TNNI3K: variants seen among roughly 807,000 people sequenced by gnomAD.
TNNI3K encodes the protein TNNI3 interacting kinase.
Under a neutral mutation model 114.5 loss-of-function variants are expected in TNNI3K, and 140 were observed. The ratio of observed to expected loss-of-function variants is 1.22; its 90% confidence interval spans 1.07 to 1.41. The LOEUF (loss-of-function observed/expected upper bound fraction) is 1.41. Among genes scored for constraint, TNNI3K ranks in the 40% most tolerant of loss-of-function variants. TNNI3K has a pLI of 0.00. For synonymous variants in TNNI3K, 347 were observed against 347.5 expected, an observed-to-expected ratio of 1.00 and a Z score of 0.02; for missense variants, 1,125 against 1,007.6, an observed-to-expected ratio of 1.12 and a Z score of -1.58.
intron 17 of TNNI3K, among the ~76,000 whole-genome samples, chr1:74,391,780 C>A (rs1394167860): frequency 9.9e-5 from 15 of 151,836 alleles, no homozygotes; most frequent in African/African-American, 4.8e-5. Context: ...TCAGAGAAGA[C>A]TGAGAAGGCC....
intron 17 of TNNI3K, among the ~76,000 whole-genome samples, chr1:74,423,337 C>G (rs1247541465): frequency 6.6e-6 from 1 of 152,090 alleles, no homozygotes; most frequent in African/African-American, 2.4e-5. Context: ...ATTCTCCTTA[C>G]TTCCACTAAA....
intron 23 of TNNI3K, among the ~76,000 whole-genome samples, chr1:74,514,771 G>A (rs1354083677): frequency 6.6e-6 from 1 of 152,098 alleles, no homozygotes; most frequent in African/African-American, 2.4e-5. Flanking sequence ...AAAATGTGAA[G>A]GGGTATTGTG....
At chr1:74,243,655 C>T (rs1654381018) in intron 2 of TNNI3K, among the ~76,000 whole-genome samples, 1 of 152,014 alleles carries the variant, frequency 6.6e-6, no homozygotes, top group Non-Finnish European at 1.5e-5. Flanking sequence ...AATTGGATCA[C>T]AAAACTGCAC....
rs200448112 is a variant in TNNI3K, at chr1:74,235,400, G to A, written c.-52G>A. 53 of 1,291,722 alleles carry A rather than the reference G, an allele frequency of 4.1e-5. 1 individual carries two copies. The East Asian group carries it at 1.2e-3, about 29-fold the overall frequency. The allele number at this position is 1,291,722 out of a possible 1,614,324, so 80.0% of individuals were successfully genotyped here. A position where few individuals can be genotyped will look rare whatever the true frequency, so the allele number is the denominator to read the frequency against. On this transcript the variant is annotated 5_prime_UTR_variant, in exon 1 of 25. Transcript: ENST00000326637. The stretch of plus-strand genomic sequence containing the variant: ...TGGACTGTCACTGCACTTGAACTTG[G>A]AATCTTATAACTTGAAGAACTGCCC...
chr1:74,319,327 T>G (rs374047951), intron 5 of TNNI3K, among the ~76,000 whole-genome samples: 66 of 152,342 alleles, frequency 4.3e-4, no homozygotes, highest in African/African-American at 1.5e-3. Context: ...ATCATAATCT[T>G]GTTGTAACCT....
At chr1:74,490,727 A>C (rs1201145845) in intron 22 of TNNI3K, among the ~76,000 whole-genome samples, 1 of 152,196 alleles carries the variant, frequency 6.6e-6, no homozygotes, top group Non-Finnish European at 1.5e-5. Context: ...CAAGGCCAAG[A>C]GGGAGCTACT....
chr1:74,527,995 T>C (rs1646529466), intron 23 of TNNI3K, among the ~76,000 whole-genome samples: 2 of 152,084 alleles, frequency 1.3e-5, no homozygotes, highest in South Asian at 4.2e-4. Context: ...GTGGTAGTGC[T>C]TAAGTATGGT....
At chr1:74,452,568 A>G (rs940047212) in intron 20 of TNNI3K, among the ~76,000 whole-genome samples, 5 of 152,152 alleles carry the variant, frequency 3.3e-5, no homozygotes, top group Admixed American at 3.3e-4. Flanking sequence ...TCACATGTCA[A>G]ATACAGCACA....
At position 74,250,732 on chromosome 1, in the gene TNNI3K, G is replaced by A; in HGVS notation, c.296G>A (p.Arg99Lys). The change falls in exon 4 of 25, where the codon AGA becomes AAA. Residue 99 changes from arginine (R) to lysine (K), a missense_variant. Arg to Lys is a conservative substitution (Grantham distance 26). Transcript: ENST00000326637. ...GGGCTCCGCCCATCTCGACTGACAA[G>A]AAATGGATTTACAGCCTTGCATTTA... is the stretch of plus-strand genomic sequence containing the variant. ...LKGLRPSRLT[R>K]NGFTALHLAV... 1 of 1,612,382 alleles carries A rather than the reference G, an allele frequency of 6.2e-7. No homozygotes were observed. Among genetic ancestry groups the A allele is most frequent in the East Asian group, 2.2e-5 (1 of 44,722 alleles).
rs376726222 is a variant in TNNI3K at position 74,415,137 on chromosome 1, G to A, written c.1773-20943G>A. 5.3e-5 allele frequency among the ~76,000 whole-genome samples: 8 copies of A among 152,138 alleles called. No homozygotes were observed. The East Asian group carries it at 1.2e-3, about 22-fold the overall frequency. ...ACACTCTAAGCATGCCCAATTTTAG[G>A]CCTTTGCACTTGCCGCTCCCTCAGG... On this transcript the variant is annotated intron_variant, in intron 17 of 24. Coordinates refer to ENST00000326637, the MANE Select transcript of TNNI3K (RefSeq NM_015978.3).
Position 74,349,887 on chromosome 1 carries a change from G to C in TNNI3K, c.933-3379G>C, listed in dbSNP as rs370070436. 3.3e-5 allele frequency among the ~76,000 whole-genome samples: 5 copies of C among 151,914 alleles called. No homozygotes were observed. The East Asian group carries it at 7.7e-4, about 23-fold the overall frequency. On this transcript the variant is annotated intron_variant, in intron 9 of 24. Coordinates refer to ENST00000326637, the MANE Select transcript of TNNI3K (RefSeq NM_015978.3). ...TTCCTTCTTTATTAGTCTTGCTAGCGGTCTATCAATTTTGTTGATCTTTTC... is the reference window on the plus strand; with the variant it reads ...TTCCTTCTTTATTAGTCTTGCTAGCCGTCTATCAATTTTGTTGATCTTTTC...
chr1:74,463,687 G>T, intron 21 of TNNI3K, 137 bp downstream of exon 21: 1 of 891,324 alleles, frequency 1.1e-6, no homozygotes, highest in Non-Finnish European at 1.7e-6. Flanking sequence ...CTGCTCTTTA[G>T]TCTCTAATTG....
At chr1:74,279,650 A>G (rs1656885036) in intron 5 of TNNI3K, among the ~76,000 whole-genome samples, 1 of 152,102 alleles carries the variant, frequency 6.6e-6, no homozygotes. Flanking sequence ...TTGCTTTACA[A>G]TTTGCTTTTG....
chr1:74,354,223 T>C, intron 11 of TNNI3K, 94 bp downstream of exon 11: 1 of 1,553,668 alleles, frequency 6.4e-7, no homozygotes, highest in South Asian at 1.2e-5. Context: ...TTGCATGACT[T>C]GAACACTCTC....
intron 21 of TNNI3K, among the ~76,000 whole-genome samples, chr1:74,488,042 G>A (rs1290692065): frequency 6.6e-6 from 1 of 152,302 alleles, no homozygotes; most frequent in Admixed American, 6.5e-5. Context: ...GGAACCCAGA[G>A]GTCAGGCTAT....
At chr1:74,331,588 T>C in intron 6 of TNNI3K, 40 bp downstream of exon 6, 1 of 1,559,280 alleles carries the variant, frequency 6.4e-7, no homozygotes, top group Non-Finnish European at 8.8e-7. Context: ...TAGGTGTTGC[T>C]TAAGTGTAGG....
intron 11 of TNNI3K, among the ~76,000 whole-genome samples, chr1:74,356,510 C>T (rs1373759861): frequency 6.6e-6 from 1 of 152,162 alleles, no homozygotes; most frequent in Non-Finnish European, 1.5e-5. Context: ...CTCCTCAACA[C>T]ATTGCATTTA....
intron 5 of TNNI3K, among the ~76,000 whole-genome samples, chr1:74,288,945 C>T (rs1657496131): frequency 6.6e-6 from 1 of 151,760 alleles, no homozygotes; most frequent in Non-Finnish European, 1.5e-5. Context: ...TTTTTAAACA[C>T]TGAATATAGG....
intron 21 of TNNI3K, among the ~76,000 whole-genome samples, chr1:74,465,953 C>A (rs1214588563): frequency 2.0e-5 from 3 of 152,186 alleles, no homozygotes; most frequent in South Asian, 2.1e-4. Context: ...CTCTGGTCAT[C>A]TTCTGTATTG....
Sources: allele counts gnomAD v4.1 joint callset (sites outside exome capture counted in the v4.1 genomes callset), GRCh38; gene constraint gnomAD v4.1.1; transcripts MANE v1.5; gene names NCBI Gene and HGNC (gene_info 2026-07-23, HGNC 2026-07-21).